The following PLEKHM3 variants were observed in gnomAD, a reference collection of about 807,000 sequenced individuals.
PLEKHM3 encodes pleckstrin homology domain containing M3.
In PLEKHM3, 45 loss-of-function variants were observed where a neutral mutation model predicts 81.8. The ratio of observed to expected loss-of-function variants is 0.55; its 90% confidence interval spans 0.43 to 0.71. The LOEUF (loss-of-function observed/expected upper bound fraction) is 0.71, where lower values mean the gene tolerates loss of function less well. PLEKHM3 is among the 30% of genes least tolerant of loss of function. PLEKHM3 has a pLI of 0.00. For missense variants in PLEKHM3, 788 were observed against 924.3 expected, an observed-to-expected ratio of 0.85 and a Z score of 1.91; for synonymous variants, 352 against 356.4, an observed-to-expected ratio of 0.99 and a Z score of 0.14.
At chr2:207,918,585 G>C (rs1689077571) in intron 5 of PLEKHM3, among the ~76,000 whole-genome samples, 1 of 152,016 alleles carries the variant, frequency 6.6e-6, no homozygotes, top group Non-Finnish European at 1.5e-5. Context: ...CACTCTCATG[G>C]GGAAAGATCA....
intron 3 of PLEKHM3, among the ~76,000 whole-genome samples, chr2:207,954,465 A>G (rs1690439520): frequency 2.0e-5 from 3 of 152,232 alleles, no homozygotes; most frequent in African/African-American, 7.2e-5. Flanking sequence ...AGAGAGAGAC[A>G]AGAACAGACA....
rs73986349 is a variant in PLEKHM3 at position 207,824,457 on chromosome 2, C to G, written c.*3862G>C. 1 of 152,146 alleles carries G rather than the reference C, an allele frequency of 6.6e-6. No individual in the cohort carries two copies. Among genetic ancestry groups the G allele is most frequent in the Non-Finnish European group, 1.5e-5 (1 of 68,032 alleles). 9.4% of individuals were successfully genotyped at this position (152,146 alleles called of 1,614,324 possible). A position where few individuals can be genotyped will look rare whatever the true frequency, so the allele number is the denominator to read the frequency against. ...AGATGAATAATTGTGCACAAATACA[C>G]GAGCAACAGCATTGGCTTGACTCTA... On this transcript the variant is annotated 3_prime_UTR_variant, in exon 8 of 8. Coordinates refer to ENST00000427836, the MANE Select transcript of PLEKHM3 (RefSeq NM_001080475.3).
At chr2:207,998,563 G>A (rs965509820) in intron 2 of PLEKHM3, among the ~76,000 whole-genome samples, 3 of 152,060 alleles carry the variant, frequency 2.0e-5, no homozygotes, top group Non-Finnish European at 4.4e-5. Flanking sequence ...ATATTATAGC[G>A]ATACTTGCAA....
At chr2:207,963,944 G>A (rs1379502805) in intron 3 of PLEKHM3, among the ~76,000 whole-genome samples, 1 of 152,210 alleles carries the variant, frequency 6.6e-6, no homozygotes, top group Non-Finnish European at 1.5e-5. Context: ...GGGCATGGTG[G>A]CTCACGCCTA....
At position 207,932,271 on chromosome 2, in the gene PLEKHM3, CAAT is replaced by C. The variant is rs147740272; in HGVS notation, c.1693-1155_1693-1153del. Among the ~76,000 whole-genome samples the C allele has an allele frequency of 5.3e-4, 81 of 152,246 alleles. No homozygotes were observed. The East Asian group carries it at 0.014, about 26-fold the overall frequency. On this transcript the variant is annotated intron_variant, in intron 4 of 7. Transcript: ENST00000427836. The stretch of plus-strand genomic sequence containing the variant: ...TAGAAACAAATAGTACATGGAAACA[CAAT>C]GTCTCAGAGATACAGAGGGAGTGGC...
intron 7 of PLEKHM3, among the ~76,000 whole-genome samples, chr2:207,849,501 A>G (rs553826830): frequency 1.3e-5 from 2 of 152,282 alleles, no homozygotes; most frequent in Admixed American, 6.5e-5. Context: ...CTGGCAAGCA[A>G]TGTCCAGCCT....
At chr2:207,919,318 G>A (rs1211202417) in intron 5 of PLEKHM3, among the ~76,000 whole-genome samples, 1 of 152,148 alleles carries the variant, frequency 6.6e-6, no homozygotes, top group Non-Finnish European at 1.5e-5. Flanking sequence ...GAGGCAGAGA[G>A]GTAATGGGAG....
intron 2 of PLEKHM3, among the ~76,000 whole-genome samples, chr2:207,979,854 A>T (rs1691462582): frequency 6.6e-6 from 1 of 152,242 alleles, no homozygotes; most frequent in African/African-American, 2.4e-5. Flanking sequence ...TACCTGCTTT[A>T]CATCTCTGGT....
At chr2:207,879,278 C>T (rs1217146461) in intron 6 of PLEKHM3, among the ~76,000 whole-genome samples, 3 of 152,098 alleles carry the variant, frequency 2.0e-5, no homozygotes, top group South Asian at 2.1e-4. Context: ...CTCCTCTATG[C>T]GAATTCCTCT....
At chr2:207,895,013 A>G (rs1559225364) in intron 6 of PLEKHM3, among the ~76,000 whole-genome samples, 1 of 152,244 alleles carries the variant, frequency 6.6e-6, no homozygotes. Context: ...GTAAGCACTC[A>G]ATAATAAAAG....
intron 1 of PLEKHM3, among the ~76,000 whole-genome samples, chr2:208,003,746 G>C (rs1215313728): frequency 1.3e-5 from 2 of 152,086 alleles, no homozygotes; most frequent in East Asian, 3.8e-4. Flanking sequence ...CTATGTAACA[G>C]GGTTTTAGTG....
In PLEKHM3 at chr2:208,001,160, C is replaced by T; in HGVS notation, c.480G>A (p.Arg160=). 1.2e-6 allele frequency: 2 copies of T among 1,613,758 alleles called. No homozygotes were observed. Among genetic ancestry groups the T allele is most frequent in the South Asian group, 2.2e-5 (2 of 91,044 alleles). ...SRSDITQVDW[R]VVLKTTPLQQ... ...GCAAAGGCGTGGTTTTGAGGACTAC[C>T]CTCCAGTCCACTTGGGTAATATCTG... The change falls in exon 2 of 8, where the codon AGG becomes AGA. Residue 160 remains arginine, a synonymous_variant. Transcript: ENST00000427836.
At chr2:207,858,143 T>C (rs2092446047) in intron 7 of PLEKHM3, among the ~76,000 whole-genome samples, 2 of 86,182 alleles carry the variant, frequency 2.3e-5, no homozygotes, top group Non-Finnish European at 5.2e-5. Flanking sequence ...GATATGTGTG[T>C]GTGTGTGTGT....
intron 6 of PLEKHM3, among the ~76,000 whole-genome samples, chr2:207,902,369 T>G (rs1376614754): frequency 6.6e-6 from 1 of 152,188 alleles, no homozygotes. Context: ...TTCAGTAAAG[T>G]ATGTTGTTTA....
intron 7 of PLEKHM3, among the ~76,000 whole-genome samples, chr2:207,844,601 C>T (rs191499269): frequency 5.8e-4 from 89 of 152,226 alleles, no homozygotes; most frequent in South Asian, 5.4e-3. Context: ...CCACTGCGCC[C>T]GGCCTATTTT....
chr2:207,997,647 C>A (rs777026461), intron 2 of PLEKHM3, among the ~76,000 whole-genome samples: 1 of 152,160 alleles, frequency 6.6e-6, no homozygotes, highest in Non-Finnish European at 1.5e-5. Flanking sequence ...CCCTTGTTAA[C>A]TTAGAACAGC....
At chr2:207,829,477 A>G (rs968304585) in intron 7 of PLEKHM3, among the ~76,000 whole-genome samples, 1 of 152,108 alleles carries the variant, frequency 6.6e-6, no homozygotes, top group African/African-American at 2.4e-5. Context: ...GGGTTTTGCC[A>G]TGTTGGCCAG....
At chr2:207,978,048 T>A (rs1691380679) in intron 2 of PLEKHM3, among the ~76,000 whole-genome samples, 1 of 152,198 alleles carries the variant, frequency 6.6e-6, no homozygotes, top group Admixed American at 6.5e-5. Context: ...ATCATGCCAC[T>A]GTACTCCAGC....
Position 207,977,598 on chromosome 2 carries a change from A to G in PLEKHM3, c.611-12T>C. 2 of 1,577,622 alleles carry G rather than the reference A, an allele frequency of 1.3e-6. No homozygotes were observed. The highest frequency in any genetic ancestry group is 1.7e-6 in the Non-Finnish European group (2 of 1,161,172). Reference sequence around the variant, plus strand: ...TGTCTGCTTGTGTTCTAGAAAGGAAAAGAGAGGCAAAGTATTGATTAGAAT... The same window carrying G: ...TGTCTGCTTGTGTTCTAGAAAGGAAGAGAGAGGCAAAGTATTGATTAGAAT... On this transcript the variant is annotated splice_polypyrimidine_tract_variant and intron_variant, in intron 2 of 7. Coordinates refer to ENST00000427836, the MANE Select transcript of PLEKHM3 (RefSeq NM_001080475.3).
Sources: gnomAD v4.1 joint callset for allele counts (sites outside exome capture counted in the v4.1 genomes callset) on GRCh38, gnomAD v4.1.1 for gene constraint, MANE v1.5 for transcripts, NCBI Gene and HGNC (gene_info 2026-07-23, HGNC 2026-07-21) for gene names.